Variants in IRAK2 observed in about 807,000 individuals in gnomAD.
IRAK2 encodes interleukin-1 receptor-associated kinase-like 2.
In IRAK2, 57 loss-of-function variants were observed where a neutral mutation model predicts 72.0. That is an observed-to-expected ratio of 0.79 (90% CI 0.64 to 0.99). The LOEUF is 0.99. Ranked by LOEUF, IRAK2 falls within the 50% of genes least tolerant of loss-of-function variation. The pLI is 0.00. For synonymous variants in IRAK2, 293 were observed against 312.7 expected (o/e 0.94, Z 0.67); for missense variants, 790 against 794.4 (o/e 0.99, Z 0.07).
chr3:10,236,183 G>A (rs762793022), intron 11 of IRAK2, among the ~76,000 whole-genome samples: 16 of 152,096 alleles, frequency 1.1e-4, no homozygotes, highest in Non-Finnish European at 2.1e-4. Flanking sequence ...GGCCTGAGCT[G>A]AGAGAGAGCT....
At position 10,164,928 on chromosome 3, in the gene IRAK2, G is replaced by T. The variant is rs1176030220; in HGVS notation, c.-27G>T. ...CCGCAGTGTCCGACCCAGTCGTCCCGCGCCGGAGCCGGCCCCGTAGCGTGC... is the reference window on the plus strand; with the variant it reads ...CCGCAGTGTCCGACCCAGTCGTCCCTCGCCGGAGCCGGCCCCGTAGCGTGC... On this transcript the variant is annotated 5_prime_UTR_variant, in exon 1 of 13. Coordinates refer to ENST00000256458, the MANE Select transcript of IRAK2 (RefSeq NM_001570.4). 1 of 1,463,854 alleles carries T rather than the reference G, an allele frequency of 6.8e-7. No homozygotes were observed. Among genetic ancestry groups the T allele is most frequent in the Non-Finnish European group, 9.2e-7 (1 of 1,087,040 alleles). The allele number at this position is 1,463,854 out of a possible 1,614,324, so 90.7% of individuals were successfully genotyped here. A position where few individuals can be genotyped will look rare whatever the true frequency, so the allele number is the denominator to read the frequency against.
intron 2 of IRAK2, among the ~76,000 whole-genome samples, chr3:10,188,377 T>G (rs1697113817): frequency 1.3e-5 from 2 of 152,208 alleles, no homozygotes; most frequent in African/African-American, 4.8e-5. Context: ...CGCTGTCACC[T>G]GGGCTGGAGT....
intron 2 of IRAK2, among the ~76,000 whole-genome samples, chr3:10,182,750 A>G (rs1696980450): frequency 6.7e-6 from 1 of 150,372 alleles, no homozygotes; most frequent in South Asian, 2.1e-4. Flanking sequence ...TCTCTATAGT[A>G]GTTCAAACAG....
chr3:10,222,569 G>A, intron 8 of IRAK2, 67 bp from the exon 9 acceptor site: 1 of 1,343,466 alleles, frequency 7.4e-7, no homozygotes, highest in East Asian at 2.3e-5. Flanking sequence ...TCCCCAAAGG[G>A]TCTCCATGGC....
At position 10,234,675 on chromosome 3, in the gene IRAK2, A is replaced by G; in HGVS notation, c.1473+16A>G. The G allele has an allele frequency of 6.2e-7, 1 of 1,607,932 alleles. No homozygotes were observed. Among genetic ancestry groups the G allele is most frequent in the Non-Finnish European group, 8.5e-7 (1 of 1,176,846 alleles). ...CCTGCAGGAGGTGAGCCTCGCCCGC[A>G]GCGGCCTCGCTGCCTGGGCCACGCG... On this transcript the variant is annotated intron_variant, in intron 11 of 12. Coordinates refer to ENST00000256458, the MANE Select transcript of IRAK2 (RefSeq NM_001570.4).
rs573210125 is a variant in IRAK2 at position 10,198,124 on chromosome 3, G to A, written c.278-2245G>A. 2.6e-5 allele frequency among the ~76,000 whole-genome samples: 4 copies of A among 152,216 alleles called. 1 individual carries two copies. In the South Asian group the frequency reaches 6.2e-4, roughly 24 times the overall value. ...TGAGGCAGGAGAATGGCGTGAGCCC[G>A]AGAATCGGAGCTTGCAGTGAGCCAA... On this transcript the variant is annotated intron_variant, in intron 2 of 12. Transcript: ENST00000256458.
chr3:10,177,410 C>T (rs1157000617), intron 1 of IRAK2, among the ~76,000 whole-genome samples: 3 of 152,150 alleles, frequency 2.0e-5, no homozygotes, highest in African/African-American at 7.2e-5. Context: ...TCATCCTGGC[C>T]CCACCTCCAC....
At chr3:10,209,276 G>C (rs1697482211) in intron 3 of IRAK2, among the ~76,000 whole-genome samples, 1 of 152,194 alleles carries the variant, frequency 6.6e-6, no homozygotes, top group Admixed American at 6.5e-5. Flanking sequence ...AAGTCAAACA[G>C]ATTTCCGTCT....
At chr3:10,197,098 C>A (rs1198266496) in intron 2 of IRAK2, among the ~76,000 whole-genome samples, 2 of 151,984 alleles carry the variant, frequency 1.3e-5, no homozygotes, top group African/African-American at 2.4e-5. Flanking sequence ...ATAAAACAGG[C>A]CAGGCGCGGT....
chr3:10,200,179 C>T lies in IRAK2; in HGVS notation c.278-190C>T, dbSNP rs144602873. ...CTGGGATTACAGGTGTGAGCCACCG[C>T]GCCTGGTCTACCGCATTTTACAGAT... On this transcript the variant is annotated intron_variant, in intron 2 of 12. Transcript: ENST00000256458. 7.4e-4 allele frequency among the ~76,000 whole-genome samples: 113 copies of T among 152,236 alleles called. 1 individual carries two copies. In the East Asian group the frequency reaches 0.017, roughly 22 times the overall value.
chr3:10,190,251 A>G (rs1697153250), intron 2 of IRAK2, among the ~76,000 whole-genome samples: 1 of 144,160 alleles, frequency 6.9e-6, no homozygotes, highest in South Asian at 2.3e-4. Flanking sequence ...GGTTCAAAGC[A>G]TACGAGATGG....
chr3:10,217,490 G>A (rs1697624085), intron 7 of IRAK2, among the ~76,000 whole-genome samples: 1 of 152,158 alleles, frequency 6.6e-6, no homozygotes, highest in South Asian at 2.1e-4. Flanking sequence ...AAGAGGTAAA[G>A]AGTATGGAAA....
intron 2 of IRAK2, among the ~76,000 whole-genome samples, chr3:10,189,305 G>A (rs947186117): frequency 4.6e-5 from 7 of 152,138 alleles, no homozygotes; most frequent in Non-Finnish European, 1.0e-4. Context: ...CATGTACAAA[G>A]GCCTGGGGGT....
intron 11 of IRAK2, among the ~76,000 whole-genome samples, chr3:10,235,244 T>C (rs911487130): frequency 6.6e-6 from 1 of 152,016 alleles, no homozygotes; most frequent in Non-Finnish European, 1.5e-5. Context: ...AGAGATTTTT[T>C]TGGACATGAG....
At position 10,238,883 on chromosome 3, in the gene IRAK2, C is replaced by T. The variant is rs778357292; in HGVS notation, c.1609C>T (p.Leu537Phe). Residue 537 changes from leucine (L) to phenylalanine (F), a missense_variant, in exon 12 of 13, where the codon CTT becomes TTT. Leu to Phe is a conservative substitution (Grantham distance 22). Coordinates refer to ENST00000256458, the MANE Select transcript of IRAK2 (RefSeq NM_001570.4). Reference protein sequence around the residue: ...EETDDVDNSSLDASSSMSVAP... With the variant: ...EETDDVDNSSFDASSSMSVAP... ...AACAGACGACGTTGACAATTCCAGC[C>T]TTGATGCCTCCTCCTCCATGAGTGT... 5 of 1,614,162 alleles carry T rather than the reference C, an allele frequency of 3.1e-6. No individual in the cohort carries two copies. The highest frequency in any genetic ancestry group is 1.1e-5 in the South Asian group (1 of 91,090).
intron 3 of IRAK2, among the ~76,000 whole-genome samples, chr3:10,209,368 A>T (rs11465887): frequency 0.033 from 4,999 of 152,136 alleles, 265 homozygotes; most frequent in African/African-American, 0.11. Flanking sequence ...CCACTTGCCA[A>T]CTGGGATGAT....
intron 2 of IRAK2, among the ~76,000 whole-genome samples, chr3:10,199,978 C>T (rs111793474): frequency 1.3e-5 from 2 of 151,492 alleles, no homozygotes; most frequent in African/African-American, 4.9e-5. Flanking sequence ...AGCTCCGCCT[C>T]CCCGGTTCAA....
intron 11 of IRAK2, 83 bp from the exon 12 acceptor site, chr3:10,238,665 C>A: frequency 7.5e-7 from 1 of 1,334,888 alleles, no homozygotes. Context: ...CTCCCCGCCC[C>A]CTCTCTGCTG....
chr3:10,165,524 T>A (rs1259163009), intron 1 of IRAK2, among the ~76,000 whole-genome samples: 1 of 152,074 alleles, frequency 6.6e-6, no homozygotes, highest in Non-Finnish European at 1.5e-5. Context: ...AAACGGAGTT[T>A]CGCTGTTGTT....
Sources: gnomAD v4.1 joint callset for allele counts (sites outside exome capture counted in the v4.1 genomes callset) on GRCh38, gnomAD v4.1.1 for gene constraint, MANE v1.5 for transcripts, NCBI Gene and HGNC (gene_info 2026-07-23, HGNC 2026-07-21) for gene names.